UGT1A10: variants seen among roughly 807,000 people sequenced by gnomAD.
UGT1A10 encodes UDP-glucuronosyltransferase 1A10.
Under a neutral mutation model 45.8 loss-of-function variants are expected in UGT1A10, and 49 were observed. That is an observed-to-expected ratio of 1.07 (90% CI 0.85 to 1.36). The LOEUF is 1.36. UGT1A10 is among the 40% of genes most tolerant of loss of function. The pLI, the probability that UGT1A10 is intolerant of heterozygous loss-of-function variation, is 0.00. For missense variants in UGT1A10, 745 were observed against 668.6 expected (o/e 1.11, Z -1.26); for synonymous variants, 284 against 249.7 (o/e 1.14, Z -1.29).
chr2:233,651,994 G>GA lies in UGT1A10; in HGVS notation c.855+14627dup, dbSNP rs909221234. Among the ~76,000 whole-genome samples the GA allele has an allele frequency of 7.2e-3, 1,068 of 147,922 alleles. 16 individuals carry two copies. Among genetic ancestry groups the GA allele is most frequent in the African/African-American group, 0.025 (998 of 40,446 alleles). On this transcript the variant is annotated intron_variant, in intron 1 of 4. Transcript: ENST00000344644. ...AGAACATCAAGATAGTTTTAATTAA[G>GA]AAAAAAAAAAGGAATCACTGCCAGG...
chr2:233,761,943 G>A (rs542276464), intron 1 of UGT1A10, among the ~76,000 whole-genome samples: 197 of 152,320 alleles, frequency 1.3e-3, no homozygotes, highest in Non-Finnish European at 2.4e-3. Context: ...CAGGTGCTGC[G>A]TCTGGCTCCC....
chr2:233,715,125 A>AT (rs1340415834), intron 1 of UGT1A10, among the ~76,000 whole-genome samples: 1 of 152,104 alleles, frequency 6.6e-6, no homozygotes, highest in Non-Finnish European at 1.5e-5. Flanking sequence ...ATCTCAAGTG[A>AT]TTCACTCACC....
chr2:233,762,605 G>T (rs1247129136), intron 1 of UGT1A10, among the ~76,000 whole-genome samples: 1 of 152,120 alleles, frequency 6.6e-6, no homozygotes, highest in Non-Finnish European at 1.5e-5. Flanking sequence ...TATTCCAGGA[G>T]TTTTGTTGTT....
intron 1 of UGT1A10, chr2:233,692,825 T>C: frequency 4.2e-6 from 6 of 1,437,362 alleles, no homozygotes; most frequent in Non-Finnish European, 3.6e-6. Flanking sequence ...ATTAACCATG[T>C]GATTAAAATG....
Position 233,769,630 on chromosome 2 carries a change from A to G in UGT1A10, c.1295+1191A>G, listed in dbSNP as rs528146282. 1.2e-5 allele frequency: 19 copies of G among 1,611,880 alleles called. 1 individual carries two copies. The Admixed American group carries it at 2.5e-4, about 21-fold the overall frequency. ...CACACCAGCTTGAGCAAGGGACAAC[A>G]GGGGAGGACTGATGACTGACTTCCC... On this transcript the variant is annotated intron_variant, in intron 4 of 4. Coordinates refer to ENST00000344644, the MANE Select transcript of UGT1A10 (RefSeq NM_019075.4). This position sits in a 1 kb window ranked among gnomAD's most constrained non-coding sequence, Gnocchi z 4.4.
intron 1 of UGT1A10, among the ~76,000 whole-genome samples, chr2:233,649,508 A>G (rs777967418): frequency 1.3e-5 from 2 of 152,252 alleles, no homozygotes; most frequent in Non-Finnish European, 2.9e-5. Context: ...ATAAGCATAT[A>G]TGTAAATATT....
intron 1 of UGT1A10, among the ~76,000 whole-genome samples, chr2:233,640,783 C>T (rs2073430650): frequency 6.6e-6 from 1 of 152,120 alleles, no homozygotes; most frequent in South Asian, 2.1e-4. Flanking sequence ...TACCCTTGGT[C>T]AGTAGGAAGC....
At chr2:233,714,382 T>C (rs1323098990) in intron 1 of UGT1A10, among the ~76,000 whole-genome samples, 2 of 152,130 alleles carry the variant, frequency 1.3e-5, no homozygotes, top group Non-Finnish European at 2.9e-5. Context: ...TTCAGTGGAA[T>C]TGGGCCAATG....
intron 1 of UGT1A10, among the ~76,000 whole-genome samples, chr2:233,724,658 G>T (rs1029278749): frequency 7.0e-6 from 1 of 142,980 alleles, no homozygotes; most frequent in South Asian, 2.5e-4. Context: ...GGGAAGAGGC[G>T]CTCCTCACTT....
chr2:233,732,909 C>T (rs2078335014), intron 1 of UGT1A10, among the ~76,000 whole-genome samples: 1 of 152,070 alleles, frequency 6.6e-6, no homozygotes, highest in African/African-American at 2.4e-5. Context: ...GCAGTATGGC[C>T]ATTTTCACGA....
intron 1 of UGT1A10, chr2:233,752,620 G>A (rs1390592836): frequency 7.2e-5 from 11 of 152,184 alleles, no homozygotes; most frequent in Non-Finnish European, 2.9e-5. Flanking sequence ...TTAGCTAGGT[G>A]TGGTAGCTGT....
intron 1 of UGT1A10, chr2:233,672,225 A>G (rs779311693): frequency 1.9e-6 from 3 of 1,614,132 alleles, no homozygotes; most frequent in East Asian, 2.2e-5. Context: ...CCCATGCTCA[A>G]TGGAAAGCAC....
At chr2:233,719,170 T>C (rs2076733024) in intron 1 of UGT1A10, 8 of 1,614,246 alleles carry the variant, frequency 5.0e-6, no homozygotes, top group Non-Finnish European at 5.9e-6. Flanking sequence ...ATGGCAATTA[T>C]GAACAATGTA....
At chr2:233,711,885 A>T (rs1353454537) in intron 1 of UGT1A10, among the ~76,000 whole-genome samples, 1 of 152,222 alleles carries the variant, frequency 6.6e-6, no homozygotes, top group African/African-American at 2.4e-5. Context: ...GAGCAGGACG[A>T]GTCTCATGGG....
intron 1 of UGT1A10, among the ~76,000 whole-genome samples, chr2:233,731,936 T>G (rs924975357): frequency 2.0e-5 from 3 of 152,218 alleles, no homozygotes; most frequent in African/African-American, 7.2e-5. Context: ...CCACATCCTC[T>G]CCAACATCTG....
intron 1 of UGT1A10, chr2:233,743,624 T>A (rs1166046864): frequency 3.7e-6 from 5 of 1,367,280 alleles, no homozygotes; most frequent in Admixed American, 3.8e-5. Flanking sequence ...CCTGAAGACG[T>A]CGGCTGGGTC....
At chr2:233,713,303 A>T (rs1470676063) in intron 1 of UGT1A10, 1 of 1,614,224 alleles carries the variant, frequency 6.2e-7, no homozygotes, top group South Asian at 1.1e-5. Context: ...TTGAAACAGA[A>T]CATCTTCTGA....
Position 233,637,085 on chromosome 2 carries a change from C to A in UGT1A10, c.563C>A (p.Ser188Tyr), listed in dbSNP as rs1276960727. 1.2e-6 allele frequency: 2 copies of A among 1,613,924 alleles called. No homozygotes were observed. The highest frequency in any genetic ancestry group is 4.5e-5 in the East Asian group (2 of 44,874). ...GGTGCACAGTGCCCTGCTCCTCTTT[C>A]CTATGTCCCCAATGATCTCTTAGGG... Reference protein sequence around the residue: ...EEGAQCPAPLSYVPNDLLGFS... With the variant: ...EEGAQCPAPLYYVPNDLLGFS... Residue 188 changes from serine (S) to tyrosine (Y), a missense_variant, in exon 1 of 5, where the codon TCC (serine) becomes TAC (tyrosine). Physicochemically the swap from Ser to Tyr is moderately radical, Grantham distance 144. Transcript: ENST00000344644.
chr2:233,638,450 T>A (rs1229142170), intron 1 of UGT1A10, among the ~76,000 whole-genome samples: 1 of 152,206 alleles, frequency 6.6e-6, no homozygotes, highest in Non-Finnish European at 1.5e-5. Context: ...CATCTGCAAG[T>A]AATTCCCTTG....
Sources: allele counts gnomAD v4.1 joint callset (sites outside exome capture counted in the v4.1 genomes callset), GRCh38; gene constraint gnomAD v4.1.1; non-coding constraint Gnocchi (gnomAD v3.1); transcripts MANE v1.5; gene names NCBI Gene and HGNC (gene_info 2026-07-23, HGNC 2026-07-21).